RERG: variants seen among roughly 807,000 people sequenced by gnomAD.
RERG encodes the protein RAS like estrogen regulated growth inhibitor.
A neutral mutation model predicts 23.2 loss-of-function variants in RERG; 25 were observed. The ratio of observed to expected loss-of-function variants is 1.08; its 90% CI spans 0.79 to 1.50. RERG has a LOEUF of 1.50. Among genes scored for constraint, RERG ranks in the 40% most tolerant of loss-of-function variants. The pLI, the probability that RERG is intolerant of heterozygous loss-of-function variation, is 0.00. For synonymous variants in RERG, 81 were observed against 89.1 expected, an observed-to-expected ratio of 0.91 and a Z score of 0.51; for missense variants, 253 against 250.1, an observed-to-expected ratio of 1.01 and a Z score of -0.08.
At chr12:15,154,725 A>T (rs1864496709) in intron 2 of RERG, among the ~76,000 whole-genome samples, 1 of 152,200 alleles carries the variant, frequency 6.6e-6, no homozygotes, top group African/African-American at 2.4e-5. Flanking sequence ...ATTTGTCTCA[A>T]TCTCACTCGG....
chr12:15,149,111 C>T (rs1380228662), intron 2 of RERG, among the ~76,000 whole-genome samples: 6 of 151,702 alleles, frequency 4.0e-5, no homozygotes, highest in Admixed American at 2.6e-4. Flanking sequence ...CCTCGTAATC[C>T]GCCCGCCTCG....
intron 2 of RERG, among the ~76,000 whole-genome samples, chr12:15,125,043 A>T: frequency 6.6e-6 from 1 of 151,938 alleles, no homozygotes; most frequent in East Asian, 1.9e-4. Context: ...ATATTAAGTG[A>T]TTTATATCAT....
At chr12:15,139,014 C>CT (rs34755371) in intron 2 of RERG, among the ~76,000 whole-genome samples, 12,886 of 50,646 alleles carry the variant, frequency 0.25, 2,714 homozygotes, top group African/African-American at 0.29. Flanking sequence ...TGTGTCTAGA[C>CT]TTTTTTTTTT....
At chr12:15,201,670 G>C (rs1865218720) in intron 2 of RERG, among the ~76,000 whole-genome samples, 1 of 148,554 alleles carries the variant, frequency 6.7e-6, no homozygotes, top group Non-Finnish European at 1.5e-5. Context: ...AGTAATAATA[G>C]TAATTAACAA....
rs888383665 is a variant in RERG at position 15,111,370 on chromosome 12, T to A, written c.166A>T (p.Met56Leu). ...QATIDDEVVS[M>L]EILDTAGQED... Reference sequence around the variant, plus strand: ...TGACCAGCAGTGTCTAGTATCTCCATGGAAACAACTTCATCATCGATGGTT... The same window carrying A: ...TGACCAGCAGTGTCTAGTATCTCCAAGGAAACAACTTCATCATCGATGGTT... Residue 56 changes from methionine (M) to leucine (L), a missense_variant, in exon 4 of 5, where the codon ATG becomes TTG. Transcript: ENST00000256953. 8.7e-6 allele frequency: 14 copies of A among 1,613,284 alleles called. No individual in the cohort carries two copies. Among genetic ancestry groups the A allele is most frequent in the Admixed American group, 1.7e-5 (1 of 59,956 alleles).
chr12:15,117,827 A>G lies in RERG; in HGVS notation c.118+3236T>C, dbSNP rs557652620. Among the ~76,000 whole-genome samples, 638 of 152,142 alleles carry G rather than the reference A, an allele frequency of 4.2e-3. 2 individuals are homozygous for G. Among genetic ancestry groups the G allele is most frequent in the Non-Finnish European group, 6.2e-3 (423 of 68,002 alleles). On this transcript the variant is annotated intron_variant, in intron 3 of 4. Transcript: ENST00000256953. ...TTCTTGGTTGGGATCCATTCAGAAC[A>G]TGGATCCTGTTGTTCTACAATCAGA...
intron 3 of RERG, 84 bp downstream of exon 3, chr12:15,120,977 TAA>T: frequency 1.9e-6 from 2 of 1,027,054 alleles, no homozygotes; most frequent in Non-Finnish European, 3.0e-6. Flanking sequence ...AAAAGGAGCT[TAA>T]AAATGTTGCA....
In RERG at chr12:15,144,426, G is replaced by T. The variant is rs571900671; in HGVS notation, c.62-23307C>A. ...GCTATAGGAGTACCCTGAACTCTGAGGCACTTTAAACAGTTGGGCTGATGA... is the reference window on the plus strand; with the variant it reads ...GCTATAGGAGTACCCTGAACTCTGATGCACTTTAAACAGTTGGGCTGATGA... On this transcript the variant is annotated intron_variant, in intron 2 of 4. Coordinates refer to ENST00000256953, the MANE Select transcript of RERG (RefSeq NM_032918.3). Among the ~76,000 whole-genome samples, 8 of 152,238 alleles carry T rather than the reference G, an allele frequency of 5.3e-5. No homozygotes were observed. The South Asian group carries it at 1.7e-3, about 32-fold the overall frequency.
At chr12:15,151,578 C>T (rs1328210498) in intron 2 of RERG, among the ~76,000 whole-genome samples, 1 of 152,136 alleles carries the variant, frequency 6.6e-6, no homozygotes, top group Non-Finnish European at 1.5e-5. Context: ...CACTATTCAT[C>T]TTGAGATGGG....
chr12:15,162,692 T>G (rs1278708876), intron 2 of RERG, among the ~76,000 whole-genome samples: 1 of 152,126 alleles, frequency 6.6e-6, no homozygotes, highest in East Asian at 1.9e-4. Context: ...CATGAAGAAT[T>G]TTTTAAAAAC....
intron 2 of RERG, among the ~76,000 whole-genome samples, chr12:15,191,080 T>C (rs1324384622): frequency 6.6e-6 from 1 of 152,138 alleles, no homozygotes; most frequent in Non-Finnish European, 1.5e-5. Flanking sequence ...TGCCATTTCC[T>C]ATAGGTTAGA....
chr12:15,159,321 TCATGCTTTTG>T (rs2136112124), intron 2 of RERG, among the ~76,000 whole-genome samples: 1 of 152,328 alleles, frequency 6.6e-6, no homozygotes, highest in South Asian at 2.1e-4. Context: ...CAATAGTAGT[TCATGCTTTTG>T]CATAATTTGC....
At chr12:15,180,403 G>A (rs1864907642) in intron 2 of RERG, among the ~76,000 whole-genome samples, 1 of 152,098 alleles carries the variant, frequency 6.6e-6, no homozygotes, top group South Asian at 2.1e-4. Context: ...TTGGAGAGGT[G>A]GGGAGAGCTG....
chr12:15,189,118 C>T (rs1308613426), intron 2 of RERG, among the ~76,000 whole-genome samples: 2 of 152,158 alleles, frequency 1.3e-5, no homozygotes, highest in Non-Finnish European at 2.9e-5. Context: ...CAACCTCTCT[C>T]CTGTAAACAC....
At chr12:15,122,679 A>T (rs4764165) in intron 2 of RERG, among the ~76,000 whole-genome samples, 102,789 of 152,100 alleles carry the variant, frequency 0.68, 34,828 homozygotes, top group Admixed American at 0.75. Flanking sequence ...ACATACAGGA[A>T]GCAGTAAGCA....
chr12:15,158,729 T>C (rs1322897781), intron 2 of RERG, among the ~76,000 whole-genome samples: 1 of 152,198 alleles, frequency 6.6e-6, no homozygotes, highest in Admixed American at 6.5e-5. Context: ...ATTAGGTATT[T>C]TGGGGCAGAA....
At chr12:15,115,226 T>G (rs1863698050) in intron 3 of RERG, among the ~76,000 whole-genome samples, 1 of 152,164 alleles carries the variant, frequency 6.6e-6, no homozygotes, top group Admixed American at 6.5e-5. Flanking sequence ...TTCTAAACAC[T>G]TATGTTAACT....
intron 2 of RERG, among the ~76,000 whole-genome samples, chr12:15,131,708 G>C (rs1864050872): frequency 6.6e-6 from 1 of 152,070 alleles, no homozygotes. Context: ...CAGATCCTAG[G>C]ATCTTACAAG....
At chr12:15,163,240 T>A (rs1177485294) in intron 2 of RERG, among the ~76,000 whole-genome samples, 1 of 152,164 alleles carries the variant, frequency 6.6e-6, no homozygotes, top group East Asian at 1.9e-4. Flanking sequence ...CTAGAAAAAT[T>A]GGATGACTCA....
Sources: gnomAD v4.1 joint callset for allele counts (sites outside exome capture counted in the v4.1 genomes callset) on GRCh38, gnomAD v4.1.1 for gene constraint, MANE v1.5 for transcripts, NCBI Gene and HGNC (gene_info 2026-07-23, HGNC 2026-07-21) for gene names.